Variants in ADAMTSL3 observed in about 807,000 individuals in gnomAD.
ADAMTSL3 encodes ADAMTS-like protein 3.
A neutral mutation model predicts 201.7 loss-of-function variants in ADAMTSL3; 128 were observed. The ratio of observed to expected loss-of-function variants is 0.63; its 90% CI spans 0.55 to 0.73. The LOEUF (loss-of-function observed/expected upper bound fraction) is 0.73, where lower values mean the gene tolerates loss of function less well. ADAMTSL3 is among the 30% of genes least tolerant of loss of function. The pLI is 0.00. For synonymous variants in ADAMTSL3, 738 were observed against 748.4 expected, an observed-to-expected ratio of 0.99 and a Z score of 0.23; for missense variants, 1,990 against 2,119.6, an observed-to-expected ratio of 0.94 and a Z score of 1.20.
chr15:83,669,471 T>G, intron 2 of ADAMTSL3, among the ~76,000 whole-genome samples: 1 of 113,982 alleles, frequency 8.8e-6, no homozygotes, highest in Non-Finnish European at 1.8e-5. Flanking sequence ...TTTTTTTTTT[T>G]TTTTTTTTTT....
chr15:83,705,239 C>CT (rs1214711647), intron 3 of ADAMTSL3, among the ~76,000 whole-genome samples: 2 of 152,102 alleles, frequency 1.3e-5, no homozygotes, highest in Admixed American at 6.5e-5. Flanking sequence ...CCAGGGTGGA[C>CT]TTTAAGATGA....
At position 84,020,544 on chromosome 15, in the gene ADAMTSL3, G is replaced by A. The variant is rs369008053; in HGVS notation, c.4274-866G>A. Among the ~76,000 whole-genome samples, 22 of 152,178 alleles carry A rather than the reference G, an allele frequency of 1.4e-4. 1 individual carries two copies. The East Asian group carries it at 3.7e-3, about 25-fold the overall frequency. ...AATGATGCCATGTACAACTTAAAAC[G>A]AACTTCAAAAATCAGAAGGAAAAAG... On this transcript the variant is annotated intron_variant, in intron 25 of 29. Coordinates refer to ENST00000286744, the MANE Select transcript of ADAMTSL3 (RefSeq NM_207517.3).
chr15:83,788,104 C>T (rs2063292957), intron 4 of ADAMTSL3, among the ~76,000 whole-genome samples: 1 of 151,928 alleles, frequency 6.6e-6, no homozygotes, highest in Non-Finnish European at 1.5e-5. Flanking sequence ...CAATAATTAC[C>T]TTGCTTTTTT....
intron 19 of ADAMTSL3, among the ~76,000 whole-genome samples, chr15:83,968,284 C>T (rs556234004): frequency 2.0e-5 from 3 of 152,302 alleles, no homozygotes; most frequent in East Asian, 3.9e-4. Flanking sequence ...ATCTATCCAT[C>T]TGTCAAAGGG....
chr15:83,696,951 A>G (rs1285391894), intron 2 of ADAMTSL3, among the ~76,000 whole-genome samples: 2 of 152,216 alleles, frequency 1.3e-5, no homozygotes, highest in Admixed American at 1.3e-4. Context: ...TAGCAATGGC[A>G]TGTGGGAGAA....
chr15:83,974,998 C>CTTTTTTT (rs35557833), intron 20 of ADAMTSL3, among the ~76,000 whole-genome samples: 2 of 96,150 alleles, frequency 2.1e-5, no homozygotes, highest in Non-Finnish European at 2.0e-5. Context: ...CAGCCTGCGT[C>CTTTTTTT]TTTTTTTTTT....
chr15:83,829,702 G>A (rs2064111933), intron 6 of ADAMTSL3, among the ~76,000 whole-genome samples: 1 of 152,152 alleles, frequency 6.6e-6, no homozygotes, highest in South Asian at 2.1e-4. Context: ...CTTTAAATGT[G>A]TCCCAGAGAT....
chr15:83,693,071 T>G (rs2061634763), intron 2 of ADAMTSL3, among the ~76,000 whole-genome samples: 1 of 152,188 alleles, frequency 6.6e-6, no homozygotes, highest in South Asian at 2.1e-4. Context: ...TTTTTTTCTT[T>G]CTTTCTTCTT....
chr15:83,761,291 G>C (rs1192227738), intron 3 of ADAMTSL3, among the ~76,000 whole-genome samples: 1 of 151,896 alleles, frequency 6.6e-6, no homozygotes, highest in Non-Finnish European at 1.5e-5. Context: ...GTCATTGTCA[G>C]GTATGTTAAT....
intron 7 of ADAMTSL3, among the ~76,000 whole-genome samples, chr15:83,847,939 AT>A (rs57098025): frequency 6.9e-4 from 102 of 147,420 alleles, no homozygotes; most frequent in Middle Eastern, 3.5e-3. Flanking sequence ...AATAAAACCT[AT>A]TTTTTTTTTG....
At chr15:83,835,921 A>G (rs780022337) in intron 6 of ADAMTSL3, among the ~76,000 whole-genome samples, 13 of 152,246 alleles carry the variant, frequency 8.5e-5, no homozygotes, top group Admixed American at 7.9e-4. Flanking sequence ...CCAACACTAT[A>G]TACTAGCTGT....
intron 15 of ADAMTSL3, 67 bp from the exon 16 acceptor site, chr15:83,913,025 C>T: frequency 6.5e-7 from 1 of 1,528,346 alleles, no homozygotes; most frequent in Non-Finnish European, 8.9e-7. Flanking sequence ...TGTGTCACTC[C>T]TCCTTTTCTG....
At chr15:84,018,385 G>T (rs947943794) in intron 25 of ADAMTSL3, among the ~76,000 whole-genome samples, 1 of 152,170 alleles carries the variant, frequency 6.6e-6, no homozygotes, top group African/African-American at 2.4e-5. Context: ...GGACAGGGTG[G>T]TGTTTATGGT....
chr15:83,756,607 C>G (rs559234576), intron 3 of ADAMTSL3, among the ~76,000 whole-genome samples: 138 of 151,782 alleles, frequency 9.1e-4, no homozygotes, highest in African/African-American at 3.0e-3. Context: ...CTGCCCCCCC[C>G]CCAAATCTCA....
chr15:83,694,231 A>C (rs1477594), intron 2 of ADAMTSL3: 151,542 of 152,342 alleles, frequency 0.99, 75,375 homozygotes, highest in East Asian at 1. Flanking sequence ...AACAGCACTT[A>C]CTCTCACCAA....
chr15:83,786,679 C>T (rs1431484238), intron 4 of ADAMTSL3, among the ~76,000 whole-genome samples: 1 of 152,108 alleles, frequency 6.6e-6, no homozygotes, highest in Non-Finnish European at 1.5e-5. Flanking sequence ...TTTTAACCAC[C>T]TGCGTCTTAT....
At chr15:83,669,114 A>G (rs2061288563) in intron 2 of ADAMTSL3, among the ~76,000 whole-genome samples, 1 of 151,868 alleles carries the variant, frequency 6.6e-6, no homozygotes, top group South Asian at 2.1e-4. Flanking sequence ...ACCCATGGAG[A>G]TTTTCTGTAT....
intron 3 of ADAMTSL3, chr15:83,740,227 C>A: frequency 5.8e-6 from 1 of 171,004 alleles, no homozygotes; most frequent in Non-Finnish European, 1.3e-5. Context: ...ATTTTAGACA[C>A]TCATGGAACA....
At chr15:83,885,755 C>G (rs1022221602) in intron 10 of ADAMTSL3, among the ~76,000 whole-genome samples, 39 of 151,338 alleles carry the variant, frequency 2.6e-4, no homozygotes, top group Non-Finnish European at 2.7e-4. Context: ...TTTTGAGTCT[C>G]GCTCTGTCGC....
Sources: gnomAD v4.1 joint callset for allele counts (sites outside exome capture counted in the v4.1 genomes callset) on GRCh38, gnomAD v4.1.1 for gene constraint, MANE v1.5 for transcripts, NCBI Gene and HGNC (gene_info 2026-07-23, HGNC 2026-07-21) for gene names.